Variants in FAM171B observed in about 807,000 individuals in gnomAD.
FAM171B encodes the protein protein FAM171B.
A neutral mutation model predicts 75.6 loss-of-function variants in FAM171B; 19 were observed. That is an observed-to-expected ratio of 0.25 (90% CI 0.18 to 0.37). The LOEUF is 0.37. Ranked by LOEUF, FAM171B falls within the 10% of genes least tolerant of loss-of-function variation. FAM171B has a pLI of 1.00. For missense variants in FAM171B, 848 were observed against 982.4 expected, an observed-to-expected ratio of 0.86 and a Z score of 1.83; for synonymous variants, 367 against 361.7, an observed-to-expected ratio of 1.01 and a Z score of -0.17.
Position 186,709,149 on chromosome 2 carries a change from CT to C in FAM171B, c.238+14739del, listed in dbSNP as rs1689774404. Among the ~76,000 whole-genome samples, 3 of 152,108 alleles carry C rather than the reference CT, an allele frequency of 2.0e-5. No homozygotes were observed. The South Asian group carries it at 6.2e-4, about 32-fold the overall frequency. ...AACGACCAGATCTTGTGAGTACTGA[CT>C]ATTGCAAGGACAGCACCCAGGGCAT... On this transcript the variant is annotated intron_variant, in intron 1 of 7. Coordinates refer to ENST00000304698, the MANE Select transcript of FAM171B (RefSeq NM_177454.4).
At chr2:186,700,795 GT>G (rs1236754339) in intron 1 of FAM171B, among the ~76,000 whole-genome samples, 1 of 152,084 alleles carries the variant, frequency 6.6e-6, no homozygotes, top group Non-Finnish European at 1.5e-5. Context: ...GGTGAAAAAT[GT>G]TTTTGTTCCC....
intron 4 of FAM171B, among the ~76,000 whole-genome samples, chr2:186,749,499 T>A (rs759527294): frequency 6.6e-6 from 1 of 152,222 alleles, no homozygotes; most frequent in Non-Finnish European, 1.5e-5. Flanking sequence ...TGCCAGCCTA[T>A]AAAATATGTA....
At chr2:186,751,326 A>G (rs1264877656) in intron 5 of FAM171B, 22 bp downstream of exon 5, 2 of 1,493,328 alleles carry the variant, frequency 1.3e-6, no homozygotes, top group East Asian at 2.3e-5. Flanking sequence ...AGGTTAAAAT[A>G]GTCTGAATAT....
chr2:186,740,361 G>A lies in FAM171B; in HGVS notation c.372G>A (p.Leu124=). The change falls in exon 2 of 8, where the codon CTG becomes CTA. Residue 124 remains leucine, a synonymous_variant. Transcript: ENST00000304698. ...TAACTAAAAGCAATGGAGCAGTGCT[G>A]ATAAAAGTACCCTACAAATTAGGAC... The part of the protein sequence containing the change: ...STVTKSNGAV[L]IKVPYKLGLS... 2 of 1,614,052 alleles carry A rather than the reference G, an allele frequency of 1.2e-6. No homozygotes were observed. Among genetic ancestry groups the A allele is most frequent in the Non-Finnish European group, 8.5e-7 (1 of 1,179,966 alleles).
intron 2 of FAM171B, among the ~76,000 whole-genome samples, chr2:186,741,981 TG>T (rs1385546507): frequency 1.3e-5 from 2 of 152,220 alleles, no homozygotes; most frequent in East Asian, 3.9e-4. Context: ...ATGAAATATG[TG>T]GGTTAAAAAT....
intron 1 of FAM171B, among the ~76,000 whole-genome samples, chr2:186,738,985 G>A (rs1438112560): frequency 6.6e-6 from 1 of 152,116 alleles, no homozygotes; most frequent in Non-Finnish European, 1.5e-5. Flanking sequence ...AGGTTATATG[G>A]TATAGGCTAT....
chr2:186,694,918 A>G (rs1689557919), intron 1 of FAM171B, among the ~76,000 whole-genome samples: 2 of 152,142 alleles, frequency 1.3e-5, no homozygotes, highest in African/African-American at 2.4e-5. Flanking sequence ...ATTTAAATTT[A>G]GCCATGAAGA....
At chr2:186,705,791 T>C (rs933013292) in intron 1 of FAM171B, among the ~76,000 whole-genome samples, 3 of 152,190 alleles carry the variant, frequency 2.0e-5, no homozygotes, top group Non-Finnish European at 4.4e-5. Flanking sequence ...AAAGATGTGA[T>C]TGCTTAGAAC....
intron 1 of FAM171B, among the ~76,000 whole-genome samples, chr2:186,722,640 A>T (rs1327698534): frequency 6.6e-6 from 1 of 152,166 alleles, no homozygotes; most frequent in African/African-American, 2.4e-5. Flanking sequence ...CTGCTGCAGG[A>T]TAGAGAGGAC....
chr2:186,698,460 T>C (rs1198061399), intron 1 of FAM171B, among the ~76,000 whole-genome samples: 2 of 152,198 alleles, frequency 1.3e-5, no homozygotes, highest in Non-Finnish European at 2.9e-5. Flanking sequence ...AATTCTGCCA[T>C]TGTTTTTTCA....
At chr2:186,727,256 A>C (rs1426533266) in intron 1 of FAM171B, among the ~76,000 whole-genome samples, 1 of 152,210 alleles carries the variant, frequency 6.6e-6, no homozygotes, top group African/African-American at 2.4e-5. Context: ...TCAGTACAGA[A>C]GAGGAGATCC....
intron 1 of FAM171B, among the ~76,000 whole-genome samples, chr2:186,735,657 A>G (rs1044106842): frequency 3.9e-5 from 6 of 152,336 alleles, no homozygotes; most frequent in Non-Finnish European, 5.9e-5. Flanking sequence ...CTTGAAGGCA[A>G]CAGGCAAGAG....
At chr2:186,746,756 G>A (rs932467183) in intron 3 of FAM171B, among the ~76,000 whole-genome samples, 1 of 152,142 alleles carries the variant, frequency 6.6e-6, no homozygotes, top group Non-Finnish European at 1.5e-5. Flanking sequence ...ATTGGTTTCA[G>A]CCCATTCTGG....
intron 1 of FAM171B, among the ~76,000 whole-genome samples, chr2:186,708,153 G>T: frequency 6.6e-6 from 1 of 152,078 alleles, no homozygotes; most frequent in East Asian, 1.9e-4. Context: ...CTTCTCCAGA[G>T]TATATAACAA....
chr2:186,747,667 A>G (rs1489816931), intron 4 of FAM171B, among the ~76,000 whole-genome samples: 1 of 152,130 alleles, frequency 6.6e-6, no homozygotes, highest in Non-Finnish European at 1.5e-5. Context: ...AATAATTGAG[A>G]TAGAAAAAAG....
chr2:186,711,507 C>G (rs531111674), intron 1 of FAM171B, among the ~76,000 whole-genome samples: 15 of 152,130 alleles, frequency 9.9e-5, no homozygotes, highest in Non-Finnish European at 2.1e-4. Context: ...AGAAAACCAG[C>G]CAGGCTATTA....
chr2:186,708,319 G>A (rs1164531409), intron 1 of FAM171B, among the ~76,000 whole-genome samples: 3 of 151,826 alleles, frequency 2.0e-5, no homozygotes, highest in African/African-American at 7.3e-5. Flanking sequence ...TAGGGTTGGT[G>A]AGAATATACA....
Position 186,729,940 on chromosome 2 carries a change from C to T in FAM171B, c.239-10288C>T, listed in dbSNP as rs532854663. Among the ~76,000 whole-genome samples the T allele has an allele frequency of 5.9e-5, 9 of 151,852 alleles. No individual in the cohort carries two copies. In the South Asian group the frequency reaches 1.3e-3, roughly 21 times the overall value. ...TAACCTTATTAGCTGTGCAGTTTTT[C>T]GTTTTTTGTTTTTTGTTTTGTCTTG... On this transcript the variant is annotated intron_variant, in intron 1 of 7. Transcript: ENST00000304698.
chr2:186,746,186 A>G (rs939012951), intron 3 of FAM171B, among the ~76,000 whole-genome samples: 8 of 152,358 alleles, frequency 5.3e-5, no homozygotes, highest in South Asian at 2.1e-4. Flanking sequence ...AGAAATATCA[A>G]TATTGTCACT....
Sources: gnomAD v4.1 joint callset for allele counts (sites outside exome capture counted in the v4.1 genomes callset) on GRCh38, gnomAD v4.1.1 for gene constraint, MANE v1.5 for transcripts, NCBI Gene and HGNC (gene_info 2026-07-23, HGNC 2026-07-21) for gene names.